The following RRM2 variants were observed in gnomAD, a reference collection of about 807,000 sequenced individuals.
RRM2 encodes ribonucleotide reductase regulatory subunit M2, also known as ribonucleoside-diphosphate reductase subunit M2.
In RRM2, 6 loss-of-function variants were observed where a neutral mutation model predicts 45.9. The observed-to-expected ratio is 0.13, with a 90% CI of 0.07 to 0.26. The LOEUF is 0.26. RRM2 is among the 10% of genes least tolerant of loss of function. The probability of loss-of-function intolerance (pLI) is 1.00; values close to 1 mark genes in which losing one functional copy is unlikely to be tolerated. For missense variants in RRM2, 343 were observed against 489.5 expected (o/e 0.70, Z 2.82); for synonymous variants, 177 against 173.0 (o/e 1.02, Z -0.18).
chr2:10,177,710 T>TTC (rs1553326755), intron 3 of RRM2, among the ~76,000 whole-genome samples: 45 of 116,586 alleles, frequency 3.9e-4, no homozygotes, highest in African/African-American at 1.4e-3. Flanking sequence ...TTCCTTCCTC[T>TTC]CTCCCTCCCT....
intron 3 of RRM2, among the ~76,000 whole-genome samples, chr2:10,201,407 T>C (rs1664568592): frequency 6.6e-6 from 1 of 152,114 alleles, no homozygotes; most frequent in South Asian, 2.1e-4. Flanking sequence ...GAGCAAAACA[T>C]CAAAAAGATC....
chr2:10,152,646 T>C (rs1663338074), intron 3 of RRM2, among the ~76,000 whole-genome samples: 1 of 151,668 alleles, frequency 6.6e-6, no homozygotes, highest in Non-Finnish European at 1.5e-5. Context: ...GCATGTGTGG[T>C]TAATTTTTGC....
chr2:10,123,444 CG>C lies in RRM2; in HGVS notation c.233del (p.Arg78ProfsTer42). The C allele has an allele frequency of 6.2e-7, 1 of 1,614,196 alleles. No homozygotes were observed. Among genetic ancestry groups the C allele is most frequent in the Non-Finnish European group, 8.5e-7 (1 of 1,180,032 alleles). Reference sequence around the variant, plus strand: ...TGAGCCGCTGCTGAGAGAAAACCCCCGCCGCTTTGTCATCTTCCCCATCGAG... The same window carrying C: ...TGAGCCGCTGCTGAGAGAAAACCCCCCCGCTTTGTCATCTTCCCCATCGAG... ...EDEPLLRENPRRFVIFPIEYH... is the reference protein window; with the variant it reads ...EDEPLLRENPXRFVIFPIEYH... On this transcript the variant is annotated frameshift_variant, in exon 3 of 10. Coordinates refer to ENST00000304567, the MANE Select transcript of RRM2 (RefSeq NM_001034.4). LOFTEE classifies it high-confidence loss of function.
At chr2:10,135,609 G>T (rs1394085647), downstream of RRM2, among the ~76,000 whole-genome samples, 1 of 152,104 alleles carries the variant, frequency 6.6e-6, no homozygotes, top group African/African-American at 2.4e-5. Flanking sequence ...CACAAAATAG[G>T]ATGGTAGAAA....
intron 3 of RRM2, among the ~76,000 whole-genome samples, chr2:10,207,000 A>G (rs1385231704): frequency 6.6e-6 from 1 of 152,212 alleles, no homozygotes. Flanking sequence ...CACTTCAGGA[A>G]GAAGGAAAGA....
At chr2:10,186,310 G>A (rs1664164995) in intron 3 of RRM2, among the ~76,000 whole-genome samples, 1 of 135,932 alleles carries the variant, frequency 7.4e-6, no homozygotes, top group African/African-American at 2.6e-5. Flanking sequence ...GCCATGCCCA[G>A]CTAATTTTTT....
In RRM2 at chr2:10,202,005, A is replaced by G. The variant is rs189073877; in HGVS notation, n.483-8306A>G. 4.0e-3 allele frequency among the ~76,000 whole-genome samples: 612 copies of G among 152,344 alleles called. 5 individuals are homozygous for G. Among genetic ancestry groups the G allele is most frequent in the African/African-American group, 0.014 (586 of 41,590 alleles). On this transcript the variant is annotated intron_variant and non_coding_transcript_variant, in intron 3 of 3. Transcript: ENST00000381786. The stretch of plus-strand genomic sequence containing the variant: ...TATTTGACCACAAGGTAAGATTTTT[A>G]TAGACTTTTTATAGCCCTTTACAAT...
rs184927325 is a variant in RRM2, at chr2:10,130,987, G to C, written c.*1601G>C. 6.6e-6 allele frequency: 1 copy of C among 152,158 alleles called. No individual in the cohort carries two copies. The highest frequency in any genetic ancestry group is 1.5e-5 in the Non-Finnish European group (1 of 68,038). 9.4% of individuals were successfully genotyped at this position (152,158 alleles called of 1,614,324 possible). A position where few individuals can be genotyped will look rare whatever the true frequency, so the allele number is the denominator to read the frequency against. On this transcript the variant is annotated 3_prime_UTR_variant, in exon 10 of 10. Transcript: ENST00000304567. ...TTTGGGAGAAGAAAGCTGAGACATTGCATGAAAGATGATGAGAGATAAATG... is the reference window on the plus strand; with the variant it reads ...TTTGGGAGAAGAAAGCTGAGACATTCCATGAAAGATGATGAGAGATAAATG...
chr2:10,129,839 T>TA lies in RRM2; in HGVS notation c.*454dup, dbSNP rs1296935277. On this transcript the variant is annotated 3_prime_UTR_variant, in exon 10 of 10. Transcript: ENST00000304567. This position sits in a 1 kb window ranked among gnomAD's most constrained non-coding sequence, Gnocchi z 4.8. ...TGATTTATTTGGTTTCTACACCAAATACATTCTCCTGACCACTAATGGGAG... is the reference window on the plus strand; with the variant it reads ...TGATTTATTTGGTTTCTACACCAAATAACATTCTCCTGACCACTAATGGGAG... 6.4e-6 allele frequency: 1 copy of TA among 155,352 alleles called. No individual in the cohort carries two copies. Among genetic ancestry groups the TA allele is most frequent in the East Asian group, 1.9e-4 (1 of 5,260 alleles). 9.6% of individuals were successfully genotyped at this position (155,352 alleles called of 1,614,324 possible). A position where few individuals can be genotyped will look rare whatever the true frequency, so the allele number is the denominator to read the frequency against.
At chr2:10,173,692 T>C (rs1479076136) in intron 3 of RRM2, among the ~76,000 whole-genome samples, 1 of 152,244 alleles carries the variant, frequency 6.6e-6, no homozygotes, top group Admixed American at 6.5e-5. Flanking sequence ...CACAGTCTCC[T>C]TCTGGGCTTC....
At chr2:10,170,918 C>A (rs563051821) in intron 3 of RRM2, among the ~76,000 whole-genome samples, 7 of 152,224 alleles carry the variant, frequency 4.6e-5, no homozygotes, top group African/African-American at 1.7e-4. Context: ...GGAGAAGTGA[C>A]GTCCTTTAAA....
At position 10,205,684 on chromosome 2, in the gene RRM2, A is replaced by T. The variant is rs991770505; in HGVS notation, n.483-4627A>T. Among the ~76,000 whole-genome samples, 1 of 151,818 alleles carries T rather than the reference A, an allele frequency of 6.6e-6. No homozygotes were observed. Reference sequence around the variant, plus strand: ...GTTTGAGAGGGTCCTTTTTATTTTTATTTTATTTTATTTATTTATTTTTTT... The same window carrying T: ...GTTTGAGAGGGTCCTTTTTATTTTTTTTTTATTTTATTTATTTATTTTTTT... On this transcript the variant is annotated intron_variant and non_coding_transcript_variant, in intron 3 of 3. Transcript: ENST00000381786. The surrounding 1 kb of genome is among the most constrained non-coding windows in gnomAD (Gnocchi z 4.8).
upstream of RRM2, among the ~76,000 whole-genome samples, chr2:10,140,872 A>C (rs1376175977): frequency 6.6e-6 from 1 of 152,082 alleles, no homozygotes; most frequent in African/African-American, 2.4e-5. Context: ...ACTCGCAGCC[A>C]CCAGGGGAAG....
intron 3 of RRM2, among the ~76,000 whole-genome samples, chr2:10,174,813 G>A (rs1663878229): frequency 6.6e-6 from 1 of 151,574 alleles, no homozygotes; most frequent in African/African-American, 2.4e-5. Context: ...GCTGCAGTGA[G>A]CTATGATTGC....
rs1309788949 is a variant in RRM2, at chr2:10,171,888, G to C, written n.482+29513G>C. On this transcript the variant is annotated intron_variant and non_coding_transcript_variant, in intron 3 of 3. Coordinates refer to the RRM2 transcript ENST00000381786. The surrounding 1 kb of genome is among the most constrained non-coding windows in gnomAD (Gnocchi z 4.1). Reference sequence around the variant, plus strand: ...CAAAATATACAGAAACTTGGCCCTTGTGTTGCTCAGGATGAAGAGGAGAAG... The same window carrying C: ...CAAAATATACAGAAACTTGGCCCTTCTGTTGCTCAGGATGAAGAGGAGAAG... Among the ~76,000 whole-genome samples the C allele has an allele frequency of 6.6e-6, 1 of 152,230 alleles. No homozygotes were observed. The highest frequency in any genetic ancestry group is 1.5e-5 in the Non-Finnish European group (1 of 68,040).
At chr2:10,207,419 C>A (rs1664683304) in intron 3 of RRM2, among the ~76,000 whole-genome samples, 1 of 152,122 alleles carries the variant, frequency 6.6e-6, no homozygotes, top group Non-Finnish European at 1.5e-5. Context: ...CTGATAGTCT[C>A]CCCCCTGTTT....
In RRM2 at chr2:10,127,470, T is replaced by A. The variant is rs564170030; in HGVS notation, c.798+250T>A. On this transcript the variant is annotated intron_variant, in intron 7 of 9. Transcript: ENST00000304567. The surrounding 1 kb of genome is among the most constrained non-coding windows in gnomAD (Gnocchi z 4.1). Reference sequence around the variant, plus strand: ...CCTATAGGCTTTGAATGCATAAAACTACAAGTTCTTTGTTTTTTGAGGTGA... The same window carrying A: ...CCTATAGGCTTTGAATGCATAAAACAACAAGTTCTTTGTTTTTTGAGGTGA... 3.5e-4 allele frequency: 131 copies of A among 376,084 alleles called. No homozygotes were observed. Among genetic ancestry groups the A allele is most frequent in the Admixed American group, 3.0e-3 (71 of 23,368 alleles). 23.3% of individuals were successfully genotyped at this position (376,084 alleles called of 1,614,324 possible). A position where few individuals can be genotyped will look rare whatever the true frequency, so the allele number is the denominator to read the frequency against.
intron 3 of RRM2, among the ~76,000 whole-genome samples, chr2:10,148,143 CAAAA>C (rs374826185): frequency 3.3e-5 from 4 of 119,616 alleles, no homozygotes; most frequent in African/African-American, 9.2e-5. Flanking sequence ...GACCCTGACT[CAAAA>C]AAAAAAAAAA....
intron 3 of RRM2, chr2:10,198,868 G>T (rs1354393924): frequency 6.6e-6 from 1 of 152,162 alleles, no homozygotes; most frequent in Non-Finnish European, 1.5e-5. Flanking sequence ...TCTGGTTGGA[G>T]GGCGCTTTAT....
Sources: gnomAD v4.1 joint callset for allele counts (sites outside exome capture counted in the v4.1 genomes callset) on GRCh38, gnomAD v4.1.1 for gene constraint, Gnocchi (gnomAD v3.1) non-coding constraint, MANE v1.5 for transcripts, NCBI Gene and HGNC (gene_info 2026-07-23, HGNC 2026-07-21) for gene names.